The following DGKB variants were observed in gnomAD, a reference collection of about 807,000 sequenced individuals.
DGKB encodes diacylglycerol kinase beta.
DGKB carries 67 observed loss-of-function variants against 114.3 expected under a neutral mutation model. The observed-to-expected ratio is 0.59, with a 90% confidence interval of 0.48 to 0.72. DGKB has a LOEUF of 0.72. Ranked by LOEUF, DGKB falls within the 30% of genes least tolerant of loss-of-function variation. DGKB has a pLI of 0.00. For missense variants in DGKB, 907 were observed against 975.2 expected, an observed-to-expected ratio of 0.93 and a Z score of 0.93; for synonymous variants, 398 against 323.1, an observed-to-expected ratio of 1.23 and a Z score of -2.49.
intron 23 of DGKB, among the ~76,000 whole-genome samples, chr7:14,188,186 T>C (rs1471384691): frequency 6.6e-6 from 1 of 151,614 alleles, no homozygotes; most frequent in East Asian, 1.9e-4. Context: ...ATAAGAAAAA[T>C]AGAGAATGAA....
intron 13 of DGKB, among the ~76,000 whole-genome samples, chr7:14,654,250 A>G (rs1055303835): frequency 2.2e-4 from 33 of 152,214 alleles, no homozygotes; most frequent in African/African-American, 7.0e-4. Flanking sequence ...AAAACAAGCT[A>G]GCTGAAAAGG....
intron 1 of DGKB, among the ~76,000 whole-genome samples, chr7:14,924,893 T>G (rs972405105): frequency 1.9e-4 from 29 of 152,278 alleles, no homozygotes; most frequent in African/African-American, 6.5e-4. Context: ...GGTTGCCTTT[T>G]GATAATCACA....
intron 1 of DGKB, among the ~76,000 whole-genome samples, chr7:14,854,841 A>G (rs919851247): frequency 3.9e-5 from 6 of 152,206 alleles, no homozygotes; most frequent in African/African-American, 1.2e-4. Flanking sequence ...ATTGATTAAT[A>G]AAATTGGTCT....
chr7:14,761,760 G>A lies in DGKB; in HGVS notation c.71-4029C>T, dbSNP rs79135385. ...CAGCCAGGCAGGCAGCTGTGAGCTT[G>A]GAGATCAGTTTAGTAAATACATGTC... On this transcript the variant is annotated intron_variant, in intron 2 of 25. Coordinates refer to ENST00000402815, the MANE Select transcript of DGKB (RefSeq NM_001350709.2). Among the ~76,000 whole-genome samples, 917 of 152,308 alleles carry A rather than the reference G, an allele frequency of 6.0e-3. 4 individuals are homozygous for A. Among genetic ancestry groups the A allele is most frequent in the Admixed American group, 9.4e-3 (144 of 15,296 alleles).
intron 2 of DGKB, among the ~76,000 whole-genome samples, chr7:14,837,637 A>AT (rs1847337930): frequency 6.6e-6 from 1 of 152,196 alleles, no homozygotes; most frequent in Non-Finnish European, 1.5e-5. Context: ...GCATTGTATC[A>AT]TTTTTCTAAT....
intron 21 of DGKB, among the ~76,000 whole-genome samples, chr7:14,394,495 C>A (rs1821924360): frequency 6.6e-6 from 1 of 152,012 alleles, no homozygotes; most frequent in African/African-American, 2.4e-5. Flanking sequence ...GAAAGGAGGC[C>A]ACTTTGTATT....
At chr7:14,961,285 G>C (rs372796925) in intron 1 of DGKB, among the ~76,000 whole-genome samples, 15 of 152,080 alleles carry the variant, frequency 9.9e-5, no homozygotes, top group African/African-American at 2.9e-4. Flanking sequence ...ACAAAACATT[G>C]ATTTTATTTC....
At chr7:14,242,453 G>A (rs1170577465) in intron 23 of DGKB, among the ~76,000 whole-genome samples, 1 of 152,068 alleles carries the variant, frequency 6.6e-6, no homozygotes, top group Non-Finnish European at 1.5e-5. Flanking sequence ...ACAGCTTTCG[G>A]TGCTTGAGAC....
chr7:14,665,243 A>G (rs990915081), intron 13 of DGKB, among the ~76,000 whole-genome samples: 1 of 152,006 alleles, frequency 6.6e-6, no homozygotes, highest in Admixed American at 6.6e-5. Flanking sequence ...GCATGGATGG[A>G]GCTAAAGGCC....
chr7:14,704,541 A>G (rs1023820728), intron 6 of DGKB, among the ~76,000 whole-genome samples: 2 of 151,890 alleles, frequency 1.3e-5, no homozygotes, highest in Non-Finnish European at 2.9e-5. Flanking sequence ...AGCGAGACCG[A>G]CGCAGAAGAC....
chr7:14,728,638 A>G (rs1433652702), intron 5 of DGKB, among the ~76,000 whole-genome samples: 2 of 151,862 alleles, frequency 1.3e-5, no homozygotes, highest in Non-Finnish European at 2.9e-5. Flanking sequence ...ATCTTAGTTT[A>G]AGTGAATCAT....
At chr7:14,641,497 GAA>G (rs71004321) in intron 13 of DGKB, among the ~76,000 whole-genome samples, 102 of 147,414 alleles carry the variant, frequency 6.9e-4, no homozygotes, top group East Asian at 4.1e-3. Context: ...TCTCATTTTG[GAA>G]AAAAAAAAAA....
At position 14,709,257 on chromosome 7, in the gene DGKB, C is replaced by A. The variant is rs1257354622; in HGVS notation, c.467-7527G>T. On this transcript the variant is annotated intron_variant, in intron 6 of 25. Transcript: ENST00000402815. ...CCATCAGAGAAATGCAAATCAAAAC[C>A]ACTATGAGATACCATCTCACACCAG... Among the ~76,000 whole-genome samples, 26 of 151,722 alleles carry A rather than the reference C, an allele frequency of 1.7e-4. 1 individual carries two copies. In the East Asian group the frequency reaches 5.1e-3, roughly 29 times the overall value.
intron 1 of DGKB, among the ~76,000 whole-genome samples, chr7:14,957,027 A>T (rs1385320952): frequency 6.6e-6 from 1 of 151,990 alleles, no homozygotes; most frequent in African/African-American, 2.4e-5. Flanking sequence ...CATTTTTCAG[A>T]GGCTATCAAA....
intron 21 of DGKB, among the ~76,000 whole-genome samples, chr7:14,364,419 A>G (rs1043993791): frequency 6.6e-6 from 1 of 151,690 alleles, no homozygotes; most frequent in African/African-American, 2.4e-5. Context: ...AAGAAGGAAG[A>G]AAGGAAGGAA....
intron 23 of DGKB, among the ~76,000 whole-genome samples, chr7:14,216,783 G>A (rs1426126214): frequency 6.6e-6 from 1 of 150,578 alleles, no homozygotes; most frequent in Non-Finnish European, 1.5e-5. Flanking sequence ...TTGTCAACGT[G>A]TATGTGTATG....
intron 20 of DGKB, among the ~76,000 whole-genome samples, chr7:14,499,579 A>T (rs1785814167): frequency 6.6e-6 from 1 of 151,850 alleles, no homozygotes; most frequent in African/African-American, 2.4e-5. Context: ...TCATAAAATC[A>T]CAAAGGTGGA....
At chr7:14,408,238 A>C (rs1180020016) in intron 21 of DGKB, among the ~76,000 whole-genome samples, 5 of 152,096 alleles carry the variant, frequency 3.3e-5, no homozygotes, top group Admixed American at 1.3e-4. Context: ...ATTTTATAGA[A>C]CTTGTCATTA....
chr7:14,525,099 ATTTT>A (rs563026112), intron 20 of DGKB, among the ~76,000 whole-genome samples: 1 of 151,250 alleles, frequency 6.6e-6, no homozygotes, highest in East Asian at 2.0e-4. Flanking sequence ...AAAGTTTGGG[ATTTT>A]TTTTTGAACT....
Sources: gnomAD v4.1 joint callset for allele counts (sites outside exome capture counted in the v4.1 genomes callset) on GRCh38, gnomAD v4.1.1 for gene constraint, MANE v1.5 for transcripts, NCBI Gene and HGNC (gene_info 2026-07-23, HGNC 2026-07-21) for gene names.